The following SLC6A13 variants were observed in gnomAD, a reference collection of about 807,000 sequenced individuals.
SLC6A13 encodes the protein solute carrier family 6 member 13, also known as sodium- and chloride-dependent GABA transporter 2.
SLC6A13 carries 69 observed loss-of-function variants against 72.9 expected under a neutral mutation model. The observed-to-expected ratio is 0.95, with a 90% CI of 0.78 to 1.16. The LOEUF (loss-of-function observed/expected upper bound fraction) is 1.16, where lower values mean the gene tolerates loss of function less well. SLC6A13 is among the 50% of genes most tolerant of loss of function. SLC6A13 has a pLI of 0.00. For synonymous variants in SLC6A13, 303 were observed against 303.0 expected, an observed-to-expected ratio of 1.00 and a Z score of 0.00; for missense variants, 735 against 760.5, an observed-to-expected ratio of 0.97 and a Z score of 0.39.
rs1182296192 is a variant in SLC6A13 at position 243,776 on chromosome 12, G to C, written c.240C>G (p.Thr80=). 6.2e-7 allele frequency: 1 copy of C among 1,614,180 alleles called. No homozygotes were observed. Among genetic ancestry groups the C allele is most frequent in the Non-Finnish European group, 8.5e-7 (1 of 1,180,002 alleles). Residue 80 remains threonine, a synonymous_variant, in exon 3 of 15, where the codon ACC becomes ACG. Coordinates refer to ENST00000343164, the MANE Select transcript of SLC6A13 (RefSeq NM_016615.5). Reference sequence around the variant, plus strand: ...CCAGAAGGAAGACAGGAATGCCACAGGTAAAGAGGAAGACGAGGTAGGGGA... The same window carrying C: ...CCAGAAGGAAGACAGGAATGCCACACGTAAAGAGGAAGACGAGGTAGGGGA... ...FFIPYLVFLF[T]CGIPVFLLET...
At chr12:261,481 G>A (rs1257811089) in intron 1 of SLC6A13, among the ~76,000 whole-genome samples, 1 of 152,168 alleles carries the variant, frequency 6.6e-6, no homozygotes, top group Non-Finnish European at 1.5e-5. Flanking sequence ...TAATGACTCT[G>A]CCTTGATTTT....
At chr12:231,991 T>C (rs147641026) in intron 7 of SLC6A13, among the ~76,000 whole-genome samples, 1 of 152,348 alleles carries the variant, frequency 6.6e-6, no homozygotes, top group Non-Finnish European at 1.5e-5. Context: ...GTTGCAGATG[T>C]GAGGATGAAA....
intron 2 of SLC6A13, 137 bp downstream of exon 2, chr12:259,714 C>A: frequency 6.4e-7 from 1 of 1,572,794 alleles, no homozygotes; most frequent in East Asian, 2.3e-5. Flanking sequence ...ACAGAGTGTC[C>A]TTAATGACCT....
At chr12:250,008 T>C (rs1269210449) in intron 2 of SLC6A13, among the ~76,000 whole-genome samples, 1 of 152,140 alleles carries the variant, frequency 6.6e-6, no homozygotes, top group Non-Finnish European at 1.5e-5. Flanking sequence ...AAATAAATAA[T>C]GTGACTCATC....
At chr12:258,441 T>C (rs76139800) in intron 2 of SLC6A13, among the ~76,000 whole-genome samples, 2,285 of 152,270 alleles carry the variant, frequency 0.015, 54 homozygotes, top group African/African-American at 0.052. Context: ...AAAGGATAGG[T>C]GTTGCTTTAA....
At chr12:238,442 G>A (rs1412293639) in intron 4 of SLC6A13, 3 of 704,122 alleles carry the variant, frequency 4.3e-6, no homozygotes, top group African/African-American at 1.8e-5. Context: ...TATGAACTGT[G>A]CAGCTGTGGG....
chr12:224,258 C>T, intron 10 of SLC6A13, 129 bp from the exon 11 acceptor site: 3 of 1,422,218 alleles, frequency 2.1e-6, no homozygotes, highest in Non-Finnish European at 9.8e-7. Flanking sequence ...AGCTATTGTC[C>T]TTGCCTGGTT....
chr12:255,488 G>T (rs550348461), intron 2 of SLC6A13, among the ~76,000 whole-genome samples: 108 of 152,368 alleles, frequency 7.1e-4, no homozygotes, highest in Middle Eastern at 3.4e-3. Context: ...CTGAAGTCAG[G>T]AGTTCGAGAC....
intron 3 of SLC6A13, 86 bp from the exon 4 acceptor site, chr12:242,840 G>A (rs1381924001): frequency 2.3e-6 from 3 of 1,304,794 alleles, no homozygotes; most frequent in East Asian, 5.2e-5. Flanking sequence ...ACGCTGAGGT[G>A]AGAGGATTGT....
Position 224,042 on chromosome 12 carries a change from G to C in SLC6A13, c.1261C>G (p.Leu421Val), listed in dbSNP as rs765898226. 1.9e-6 allele frequency: 3 copies of C among 1,613,946 alleles called. No individual in the cohort carries two copies. In the South Asian group the frequency reaches 3.3e-5, roughly 18 times the overall value. The change falls in exon 11 of 15, where the codon CTT becomes GTT. Residue 421 changes from leucine to valine, a missense_variant. By Grantham distance (32) the Leu-to-Val change is conservative (BLOSUM62 1). Transcript: ENST00000343164. Reference protein sequence around the residue: ...RKKNRREVLILGVSVVSFLVG... With the variant: ...RKKNRREVLIVGVSVVSFLVG... ...AGGAAGGAGACGACAGATACTCCAA[G>C]GATGAGGACTTCCCTCCGGTTCTTC... is the stretch of plus-strand genomic sequence containing the variant.
At chr12:244,892 A>C (rs1214644654) in intron 2 of SLC6A13, among the ~76,000 whole-genome samples, 1 of 152,214 alleles carries the variant, frequency 6.6e-6, no homozygotes, top group African/African-American at 2.4e-5. Context: ...TGTTGTAGCA[A>C]CACAAAATGA....
chr12:253,344 C>T (rs1450770409), intron 2 of SLC6A13: 2 of 152,270 alleles, frequency 1.3e-5, no homozygotes, highest in African/African-American at 2.4e-5. Flanking sequence ...TCGGCATGAG[C>T]CTGACCAACA....
At chr12:246,434 T>C (rs1942353775) in intron 2 of SLC6A13, among the ~76,000 whole-genome samples, 1 of 152,194 alleles carries the variant, frequency 6.6e-6, no homozygotes, top group South Asian at 2.1e-4. Flanking sequence ...ATGTTACTCA[T>C]AGCAAGGAGA....
In SLC6A13 at chr12:254,180, G is replaced by A. The variant is rs1942657216; in HGVS notation, c.202+5671C>T. The stretch of plus-strand genomic sequence containing the variant: ...GCTGGAGGAATAGTTCAAATGTCAA[G>A]CTTCTTCAGCCGCCTCGCCAGCTCA... On this transcript the variant is annotated intron_variant, in intron 2 of 14. Coordinates refer to ENST00000343164, the MANE Select transcript of SLC6A13 (RefSeq NM_016615.5). The surrounding 1 kb of genome is among the most constrained non-coding windows in gnomAD (Gnocchi z 4.4). Among the ~76,000 whole-genome samples the A allele has an allele frequency of 6.6e-6, 1 of 152,184 alleles. No homozygotes were observed. The highest frequency in any genetic ancestry group is 1.5e-5 in the Non-Finnish European group (1 of 68,036).
At chr12:252,673 G>A (rs1942593343) in intron 2 of SLC6A13, among the ~76,000 whole-genome samples, 1 of 152,214 alleles carries the variant, frequency 6.6e-6, no homozygotes, top group Non-Finnish European at 1.5e-5. Context: ...GAGCAGGAAG[G>A]AAAACAGGAA....
rs149299701 is a variant in SLC6A13, at chr12:224,484, G to A, written c.1090C>T (p.Arg364Trp). 1.1e-4 allele frequency: 183 copies of A among 1,614,118 alleles called. No individual in the cohort carries two copies. Among genetic ancestry groups the A allele is most frequent in the South Asian group, 1.5e-4 (14 of 91,086 alleles). ...GAGAAGGGCAGCATCACCACAGCCC[G>A]CGGGTAAGCGATGAAAGCCAGGCCA... ...GPGLAFIAYP[R>W]AVVMLPFSPL... Residue 364 changes from arginine to tryptophan, a missense_variant, in exon 10 of 15, where the codon CGG (arginine) becomes TGG (tryptophan). By Grantham distance (101) the Arg-to-Trp change is moderately radical. Transcript: ENST00000343164.
At chr12:235,524 T>G (rs774042899) in intron 6 of SLC6A13, among the ~76,000 whole-genome samples, 1 of 152,226 alleles carries the variant, frequency 6.6e-6, no homozygotes, top group Non-Finnish European at 1.5e-5. Context: ...CTCTTAATCC[T>G]GTTATCTTCA....
At chr12:246,475 TAGAATTAGCAGATG>T (rs1281102115) in intron 2 of SLC6A13, among the ~76,000 whole-genome samples, 4 of 152,184 alleles carry the variant, frequency 2.6e-5, no homozygotes, top group African/African-American at 9.7e-5. Flanking sequence ...ACAAAGATGT[TAGAATTAGCAGATG>T]AGAATATTTA....
Position 221,489 on chromosome 12 carries a change from T to G in SLC6A13, c.1573A>C (p.Thr525Pro). ...YTPLTYNKKY[T>P]YPWWGDALGW... ...AGGGCATCGCCCCACCACGGGTACG[T>G]GTACTTCTTGTTGTAGGTCAGCGGA... Residue 525 changes from threonine to proline, a missense_variant, in exon 14 of 15, where the codon ACG (threonine) becomes CCG (proline). By Grantham distance (38) the Thr-to-Pro change is conservative (BLOSUM62 -1). Transcript: ENST00000343164. 6.2e-7 allele frequency: 1 copy of G among 1,613,410 alleles called. No individual in the cohort carries two copies. The highest frequency in any genetic ancestry group is 8.5e-7 in the Non-Finnish European group (1 of 1,179,710).
Sources: gnomAD v4.1 joint callset for allele counts (sites outside exome capture counted in the v4.1 genomes callset) on GRCh38, gnomAD v4.1.1 for gene constraint, Gnocchi (gnomAD v3.1) non-coding constraint, MANE v1.5 for transcripts, NCBI Gene and HGNC (gene_info 2026-07-23, HGNC 2026-07-21) for gene names.